Variants in NDRG4 observed in about 807,000 individuals in gnomAD.
The protein encoded by NDRG4 is protein NDRG4.
NDRG4 carries 38 observed loss-of-function variants against 55.8 expected under a neutral mutation model. The ratio of observed to expected loss-of-function variants is 0.68; its 90% confidence interval spans 0.53 to 0.89. The LOEUF is 0.89. NDRG4 is among the 40% of genes least tolerant of loss of function. NDRG4 has a pLI of 0.00. For synonymous variants in NDRG4, 190 were observed against 182.7 expected, an observed-to-expected ratio of 1.04 and a Z score of -0.32; for missense variants, 455 against 468.6, an observed-to-expected ratio of 0.97 and a Z score of 0.27.
intron 1 of NDRG4, among the ~76,000 whole-genome samples, chr16:58,465,971 C>T (rs1478851320): frequency 6.6e-6 from 1 of 152,166 alleles, no homozygotes; most frequent in Admixed American, 6.5e-5. Flanking sequence ...GGCCACTGAA[C>T]TTGTTAACCC....
chr16:58,470,337 G>A (rs1367381066), intron 1 of NDRG4, among the ~76,000 whole-genome samples: 1 of 152,220 alleles, frequency 6.6e-6, no homozygotes. Context: ...AGGAGGAGGA[G>A]TGGTTCAAGG....
intron 2 of NDRG4, among the ~76,000 whole-genome samples, chr16:58,488,317 G>A (rs1411925498): frequency 6.6e-6 from 1 of 152,184 alleles, no homozygotes; most frequent in East Asian, 1.9e-4. Flanking sequence ...CCGGGGCAGT[G>A]GGACAGAGGC....
intron 5 of NDRG4, among the ~76,000 whole-genome samples, chr16:58,505,433 AC>A (rs67979005): frequency 0.12 from 16,608 of 137,402 alleles, 1,045 homozygotes; most frequent in Admixed American, 0.18. Flanking sequence ...AAAAAAAAAA[AC>A]AAAAACCCAA....
chr16:58,464,763 T>C lies in NDRG4; in HGVS notation c.-24+966T>C. On this transcript the variant is annotated intron_variant, in intron 1 of 15. Transcript: ENST00000258187. The surrounding 1 kb of genome is among the most constrained non-coding windows in gnomAD (Gnocchi z 4.8). ...AGGACCCTGAAAGCTAGCTCAGGGC[T>C]CCTGCCCTCCAATCAGTGTCGCTTG... The C allele has an allele frequency of 7.8e-7, 1 of 1,278,218 alleles. No homozygotes were observed. 79.2% of individuals were successfully genotyped at this position (1,278,218 alleles called of 1,614,324 possible).
rs1446571563 is a variant in NDRG4, at chr16:58,507,993, C to CG, written c.727dup (p.Val243GlyfsTer35). 6.5e-7 allele frequency: 1 copy of CG among 1,534,824 alleles called. No individual in the cohort carries two copies. The highest frequency in any genetic ancestry group is 8.8e-7 in the Non-Finnish European group (1 of 1,132,288). On this transcript the variant is annotated frameshift_variant, in exon 10 of 15. Coordinates refer to ENST00000570248, the MANE Select transcript of NDRG4 (RefSeq NM_001242835.2). LOFTEE classifies it high-confidence loss of function. ...TTGGGGATAATGCACCCGCTGAGGA[C>CG]GGGGTGGTAAGTGAGGGGCTGTGGG...
In NDRG4 at chr16:58,480,051, G is replaced by C. The variant is rs553192926; in HGVS notation, c.-23-7705G>C. Among the ~76,000 whole-genome samples, 7 of 152,342 alleles carry C rather than the reference G, an allele frequency of 4.6e-5. No homozygotes were observed. The East Asian group carries it at 1.4e-3, about 29-fold the overall frequency. On this transcript the variant is annotated intron_variant, in intron 1 of 15. Transcript: ENST00000258187. ...AGACACAGGTAGGATTTGAGAGGAAGGAGGGAGCCCAGACCAACCTGTAGG... is the reference window on the plus strand; with the variant it reads ...AGACACAGGTAGGATTTGAGAGGAACGAGGGAGCCCAGACCAACCTGTAGG...
intron 8 of NDRG4, 49 bp downstream of exon 8, chr16:58,507,064 C>T: frequency 7.1e-7 from 1 of 1,414,718 alleles, no homozygotes; most frequent in Non-Finnish European, 9.9e-7. Flanking sequence ...CCAGTGGGGG[C>T]CCTTGCACAC....
rs1214145971 is a variant in NDRG4 at position 58,464,304 on chromosome 16, GCTCCTGCCGCTTCGCTCCGCGCT to G, written c.-24+519_-24+541del. ...GGGAGAGCGCTCCTGGCTGTGAGCTGCTCCTGCCGCTTCGCTCCGCGCTCTCCTGCCGCTCCGCTCCGGGTCTC... is the reference window on the plus strand; with the variant it reads ...GGGAGAGCGCTCCTGGCTGTGAGCTGCTCCTGCCGCTCCGCTCCGGGTCTC... On this transcript the variant is annotated intron_variant, in intron 1 of 15. Transcript: ENST00000258187. This position sits in a 1 kb window ranked among gnomAD's most constrained non-coding sequence, Gnocchi z 4.8. 2.6e-5 allele frequency: 20 copies of G among 765,190 alleles called. No individual in the cohort carries two copies. Among genetic ancestry groups the G allele is most frequent in the Non-Finnish European group, 3.5e-5 (19 of 542,346 alleles). The allele number at this position is 765,190 out of a possible 1,614,324, so 47.4% of individuals were successfully genotyped here. A position where few individuals can be genotyped will look rare whatever the true frequency, so the allele number is the denominator to read the frequency against.
At chr16:58,501,622 G>A (rs546446833) in intron 1 of NDRG4, 1 of 199,992 alleles carries the variant, frequency 5.0e-6, no homozygotes, top group African/African-American at 2.3e-5. Flanking sequence ...GGTGAGAGAA[G>A]GCGTTAGGGA....
intron 1 of NDRG4, among the ~76,000 whole-genome samples, chr16:58,478,132 T>C (rs147665531): frequency 0.013 from 1,948 of 152,336 alleles, 37 homozygotes; most frequent in African/African-American, 0.045. Context: ...GGCTCACGCC[T>C]GTAATCCCAG....
At chr16:58,501,116 G>C in intron 1 of NDRG4, 1 of 1,203,874 alleles carries the variant, frequency 8.3e-7, no homozygotes, top group Non-Finnish European at 1.0e-6. Context: ...GGAGAGGCAG[G>C]GGCAGACTCA....
chr16:58,465,584 G>A (rs914353034), intron 1 of NDRG4, among the ~76,000 whole-genome samples: 1 of 151,458 alleles, frequency 6.6e-6, no homozygotes, highest in Non-Finnish European at 1.5e-5. Flanking sequence ...GGTGGGGTAC[G>A]TTGGGTGAGG....
chr16:58,468,787 G>C (rs753603695), intron 1 of NDRG4, among the ~76,000 whole-genome samples: 1 of 152,174 alleles, frequency 6.6e-6, no homozygotes, highest in Admixed American at 6.5e-5. Flanking sequence ...ACCTGCACAC[G>C]AGCTCATTAC....
intron 1 of NDRG4, among the ~76,000 whole-genome samples, chr16:58,502,764 C>T (rs78506199): frequency 0.04 from 6,046 of 152,324 alleles, 172 homozygotes; most frequent in Non-Finnish European, 0.061. Context: ...CCACCTCCAA[C>T]TCACTGGGCC....
At chr16:58,511,323 G>A in intron 14 of NDRG4, 99 bp from the exon 15 acceptor site, 1 of 1,377,568 alleles carries the variant, frequency 7.3e-7, no homozygotes, top group South Asian at 1.4e-5. Context: ...TGCCTTCGAG[G>A]AACGGTTCGC....
At chr16:58,507,143 C>T in intron 8 of NDRG4, 128 bp downstream of exon 8, 1 of 706,920 alleles carries the variant, frequency 1.4e-6, no homozygotes, top group Non-Finnish European at 2.5e-6. Flanking sequence ...TATTGGGCCT[C>T]AAAGGAGGTC....
chr16:58,494,386 G>A (rs921176999), intron 2 of NDRG4, among the ~76,000 whole-genome samples: 1 of 152,054 alleles, frequency 6.6e-6, no homozygotes, highest in Non-Finnish European at 1.5e-5. Context: ...TGTTAGTCAC[G>A]CCCACCTCCC....
At chr16:58,481,960 T>G (rs2034452002) in intron 1 of NDRG4, among the ~76,000 whole-genome samples, 1 of 152,128 alleles carries the variant, frequency 6.6e-6, no homozygotes, top group African/African-American at 2.4e-5. Context: ...TTCTGGGGCT[T>G]CTTTTCCAAC....
chr16:58,514,346 T>A (rs935405197), downstream of NDRG4, among the ~76,000 whole-genome samples: 3 of 152,262 alleles, frequency 2.0e-5, no homozygotes, highest in Non-Finnish European at 4.4e-5. Context: ...ATTTTTTCTT[T>A]AGTCAACATA....
Sources: allele counts gnomAD v4.1 joint callset (sites outside exome capture counted in the v4.1 genomes callset), GRCh38; gene constraint gnomAD v4.1.1; non-coding constraint Gnocchi (gnomAD v3.1); transcripts MANE v1.5; gene names NCBI Gene and HGNC (gene_info 2026-07-23, HGNC 2026-07-21).